ISY1: variants seen among roughly 807,000 people sequenced by gnomAD.
The protein encoded by ISY1 is ISY1 spliceosome associated protein.
Under a neutral mutation model 54.4 loss-of-function variants are expected in ISY1, and 12 were observed. The observed-to-expected ratio is 0.22, with a 90% CI of 0.14 to 0.36. The LOEUF is 0.36. Ranked by LOEUF, ISY1 falls within the 10% of genes least tolerant of loss-of-function variation. The pLI, the probability that ISY1 is intolerant of heterozygous loss-of-function variation, is 1.00. For missense variants in ISY1, 282 were observed against 342.2 expected, an observed-to-expected ratio of 0.82 and a Z score of 1.39; for synonymous variants, 96 against 117.9, an observed-to-expected ratio of 0.81 and a Z score of 1.20.
intron 1 of ISY1, 99 bp from the exon 2 acceptor site, chr3:129,159,275 CA>C: frequency 6.8e-7 from 1 of 1,477,116 alleles, no homozygotes; most frequent in Non-Finnish European, 9.2e-7. Flanking sequence ...AATACAATCA[CA>C]AGCAAACCAC....
At chr3:129,137,813 G>C (rs2107604380) in intron 7 of ISY1, among the ~76,000 whole-genome samples, 1 of 148,988 alleles carries the variant, frequency 6.7e-6, no homozygotes, top group East Asian at 2.0e-4. Flanking sequence ...TCGGGAGGCT[G>C]AGGCAGGAGA....
At chr3:129,147,733 A>G (rs1936813538) in intron 5 of ISY1, among the ~76,000 whole-genome samples, 1 of 152,184 alleles carries the variant, frequency 6.6e-6, no homozygotes, top group Non-Finnish European at 1.5e-5. Context: ...AAGACACAGA[A>G]AAGTTCCATC....
At chr3:129,149,100 A>T (rs1180371043) in intron 5 of ISY1, among the ~76,000 whole-genome samples, 1 of 152,054 alleles carries the variant, frequency 6.6e-6, no homozygotes, top group Non-Finnish European at 1.5e-5. Flanking sequence ...CAGCCTGGGC[A>T]ACATAACAAG....
chr3:129,145,259 C>T (rs1936734201), intron 6 of ISY1, among the ~76,000 whole-genome samples: 1 of 147,892 alleles, frequency 6.8e-6, no homozygotes, highest in Non-Finnish European at 1.5e-5. Context: ...GAATCTTACT[C>T]TGTCGCCCAG....
At chr3:129,151,556 GGGA>G (rs1478990821) in intron 5 of ISY1, among the ~76,000 whole-genome samples, 3 of 151,900 alleles carry the variant, frequency 2.0e-5, no homozygotes, top group Non-Finnish European at 2.9e-5. Context: ...TTGAACCCAG[GGGA>G]CAGAGGTTGC....
intron 5 of ISY1, among the ~76,000 whole-genome samples, chr3:129,154,752 G>A (rs982031172): frequency 6.7e-6 from 1 of 148,206 alleles, no homozygotes; most frequent in Non-Finnish European, 1.5e-5. Context: ...GCAGTGGCGC[G>A]ATCTCAGCTC....
chr3:129,153,824 G>A (rs575210376), intron 5 of ISY1, among the ~76,000 whole-genome samples: 1 of 152,098 alleles, frequency 6.6e-6, no homozygotes, highest in African/African-American at 2.4e-5. Context: ...CTATTTCTCG[G>A]CCAGGCACTG....
At chr3:129,142,409 G>A (rs754450804) in intron 6 of ISY1, among the ~76,000 whole-genome samples, 6 of 152,020 alleles carry the variant, frequency 3.9e-5, no homozygotes, top group Non-Finnish European at 8.8e-5. Flanking sequence ...TTCTTCTTAG[G>A]AAATACACAT....
At chr3:129,141,213 A>G (rs1039350155) in intron 6 of ISY1, among the ~76,000 whole-genome samples, 6 of 149,832 alleles carry the variant, frequency 4.0e-5, no homozygotes, top group Non-Finnish European at 8.9e-5. Context: ...AAATAAATAA[A>G]TAAATAAATA....
intron 1 of ISY1, 133 bp downstream of exon 1, chr3:129,160,840 C>T (rs1188907484): frequency 2.6e-6 from 3 of 1,150,754 alleles, no homozygotes; most frequent in African/African-American, 1.5e-5. Context: ...AGAATCCCCT[C>T]GTTACACCAA....
At chr3:129,142,159 C>T (rs1415828123) in intron 6 of ISY1, among the ~76,000 whole-genome samples, 3 of 147,262 alleles carry the variant, frequency 2.0e-5, no homozygotes, top group East Asian at 2.1e-4. Context: ...GAGCTGAGAT[C>T]GCACGCCACT....
chr3:129,140,365 T>C lies in ISY1; in HGVS notation c.418+3A>G. The C allele has an allele frequency of 6.2e-7, 1 of 1,603,200 alleles. No homozygotes were observed. On this transcript the variant is annotated splice_donor_region_variant and intron_variant, in intron 7 of 10. Transcript: ENST00000393295. ...AGGCTAAAACTGTCACAAACTTACT[T>C]ACGTTCTTTTTCAAACAGCTCTCTA...
At chr3:129,156,713 A>G in intron 4 of ISY1, 38 bp from the exon 5 acceptor site, 1 of 1,573,264 alleles carries the variant, frequency 6.4e-7, no homozygotes, top group Non-Finnish European at 8.6e-7. Context: ...TAATTTTTGA[A>G]TATGTTAGAA....
intron 6 of ISY1, among the ~76,000 whole-genome samples, chr3:129,144,708 T>A (rs1936720955): frequency 6.6e-6 from 1 of 152,030 alleles, no homozygotes; most frequent in Admixed American, 6.6e-5. Flanking sequence ...GTGTGCTGGC[T>A]TGTGATTGTG....
chr3:129,159,522 TA>T (rs1225777161), intron 1 of ISY1, among the ~76,000 whole-genome samples: 1 of 152,200 alleles, frequency 6.6e-6, no homozygotes, highest in Non-Finnish European at 1.5e-5. Context: ...GGATTATACT[TA>T]CCATGGCATT....
At chr3:129,145,224 ATTT>A (rs35391482) in intron 6 of ISY1, among the ~76,000 whole-genome samples, 656 of 137,214 alleles carry the variant, frequency 4.8e-3, no homozygotes, top group Admixed American at 5.1e-3. Flanking sequence ...GACCATAGTC[ATTT>A]TTTTTTTTTT....
chr3:129,158,114 C>T lies in ISY1; in HGVS notation c.78+394G>A, dbSNP rs538895562. ...CCTCAAGTGATCCACCCCCCTCAGC[C>T]TCTCAAAGTGCTGGGATTACAGGCG... On this transcript the variant is annotated intron_variant, in intron 3 of 10. Transcript: ENST00000393295. 2.6e-5 allele frequency among the ~76,000 whole-genome samples: 4 copies of T among 151,508 alleles called. No homozygotes were observed. In the East Asian group the frequency reaches 5.8e-4, roughly 22 times the overall value.
chr3:129,140,047 G>C (rs930659103), intron 7 of ISY1, among the ~76,000 whole-genome samples: 3 of 152,182 alleles, frequency 2.0e-5, no homozygotes, highest in Non-Finnish European at 4.4e-5. Context: ...CTGATTCAAT[G>C]AACTTCAGAG....
At chr3:129,141,778 A>AAAAT (rs145426211) in intron 6 of ISY1, among the ~76,000 whole-genome samples, 5,288 of 151,742 alleles carry the variant, frequency 0.035, 211 homozygotes, top group East Asian at 0.11. Flanking sequence ...AAATAATTAA[A>AAAAT]AAATAAATAA....
Sources: gnomAD v4.1 joint callset for allele counts (sites outside exome capture counted in the v4.1 genomes callset) on GRCh38, gnomAD v4.1.1 for gene constraint, MANE v1.5 for transcripts, NCBI Gene and HGNC (gene_info 2026-07-23, HGNC 2026-07-21) for gene names.